Variants in PIP4K2A observed in about 807,000 individuals in gnomAD.
The protein encoded by PIP4K2A is phosphatidylinositol 5-phosphate 4-kinase type-2 alpha.
A neutral mutation model predicts 42.9 loss-of-function variants in PIP4K2A; 14 were observed. That is an observed-to-expected ratio of 0.33 (90% CI 0.22 to 0.51). The LOEUF (loss-of-function observed/expected upper bound fraction) is 0.51, where lower values mean the gene tolerates loss of function less well. Among genes scored for constraint, PIP4K2A ranks in the 20% least tolerant of loss-of-function variants. The probability of loss-of-function intolerance (pLI) is 0.97; values close to 1 mark genes in which losing one functional copy is unlikely to be tolerated. For synonymous variants in PIP4K2A, 192 were observed against 192.2 expected (o/e 1.00, Z 0.01); for missense variants, 434 against 519.8 (o/e 0.83, Z 1.61).
chr10:22,551,199 G>A (rs868320483), intron 6 of PIP4K2A, among the ~76,000 whole-genome samples: 5 of 152,122 alleles, frequency 3.3e-5, no homozygotes, highest in Non-Finnish European at 5.9e-5. Context: ...TTGGGGAGCC[G>A]TTGCTGGGCT....
intron 5 of PIP4K2A, among the ~76,000 whole-genome samples, chr10:22,568,315 C>T (rs1022785892): frequency 6.6e-6 from 1 of 152,156 alleles, no homozygotes; most frequent in Non-Finnish European, 1.5e-5. Flanking sequence ...ACCACAGGAG[C>T]GTTAAGTGCC....
rs184766643 is a variant in PIP4K2A, at chr10:22,534,975, G to A, written c.*2226C>T. The stretch of plus-strand genomic sequence containing the variant: ...GAGGAAAAAAGGATTCATCTTGTGA[G>A]TCATCAAAAGTGCTTTATTTGTAAA... On this transcript the variant is annotated 3_prime_UTR_variant, in exon 10 of 10. Transcript: ENST00000376573. 6.6e-6 allele frequency: 1 copy of A among 152,210 alleles called. No homozygotes were observed. Among genetic ancestry groups the A allele is most frequent in the Admixed American group, 6.5e-5 (1 of 15,282 alleles). The allele number at this position is 152,210 out of a possible 1,614,324, so 9.4% of individuals were successfully genotyped here.
intron 1 of PIP4K2A, among the ~76,000 whole-genome samples, chr10:22,611,137 C>G (rs1838026065): frequency 6.6e-6 from 1 of 152,012 alleles, no homozygotes; most frequent in Non-Finnish European, 1.5e-5. Flanking sequence ...ATATGTAATC[C>G]CAGCAATTTG....
chr10:22,542,143 T>C (rs1836136155), intron 7 of PIP4K2A, 96 bp from the exon 8 acceptor site: 1 of 1,151,152 alleles, frequency 8.7e-7, no homozygotes, highest in East Asian at 2.4e-5. Flanking sequence ...GAGGGAAGGC[T>C]GTGGGGTGGG....
At chr10:22,603,996 C>T (rs540421856) in intron 3 of PIP4K2A, among the ~76,000 whole-genome samples, 2 of 109,274 alleles carry the variant, frequency 1.8e-5, no homozygotes, top group East Asian at 7.0e-4. Context: ...TGCGCGAGCA[C>T]ACACGCGCGC....
chr10:22,664,760 C>A (rs913458329), intron 1 of PIP4K2A, among the ~76,000 whole-genome samples: 3 of 151,842 alleles, frequency 2.0e-5, no homozygotes, highest in Non-Finnish European at 4.4e-5. Context: ...TACCACAGAG[C>A]CACAGACATC....
intron 6 of PIP4K2A, among the ~76,000 whole-genome samples, chr10:22,560,861 G>T (rs1338313027): frequency 6.6e-6 from 1 of 152,152 alleles, no homozygotes; most frequent in Non-Finnish European, 1.5e-5. Flanking sequence ...CAAGAACATG[G>T]GCTTTTTAAA....
chr10:22,668,537 A>C (rs894223970), intron 1 of PIP4K2A, among the ~76,000 whole-genome samples: 1 of 152,204 alleles, frequency 6.6e-6, no homozygotes, highest in Admixed American at 6.5e-5. Context: ...GCAGCTCTCA[A>C]CATACAATTG....
intron 6 of PIP4K2A, among the ~76,000 whole-genome samples, chr10:22,559,747 G>A (rs1035515414): frequency 3.9e-5 from 6 of 152,274 alleles, no homozygotes; most frequent in Middle Eastern, 3.4e-3. Flanking sequence ...AAGTGGGGCC[G>A]ACTGCTGAAC....
At chr10:22,598,958 C>T (rs2765991) in intron 3 of PIP4K2A, among the ~76,000 whole-genome samples, 58,889 of 151,682 alleles carry the variant, frequency 0.39, 14,399 homozygotes, top group East Asian at 0.83. Context: ...TTATAAATTA[C>T]GAAATTAGTT....
At position 22,712,911 on chromosome 10, in the gene PIP4K2A, A is replaced by AGGGG. The variant is rs201129760; in HGVS notation, c.144+1271_144+1272insCCCC. ...CATTTTAAACAACTTCACTACATTG[A>AGGGG]GGGTGTGTGTGTGTGTGTGTGTGTG... On this transcript the variant is annotated intron_variant, in intron 1 of 9. Coordinates refer to ENST00000376573, the MANE Select transcript of PIP4K2A (RefSeq NM_005028.5). Among the ~76,000 whole-genome samples the AGGGG allele has an allele frequency of 1.1e-4, 15 of 137,622 alleles. No homozygotes were observed. The East Asian group carries it at 1.2e-3, about 11-fold the overall frequency. 90.3% of individuals were successfully genotyped at this position (137,622 alleles called of 152,430 possible).
chr10:22,565,276 C>T (rs144508263), intron 6 of PIP4K2A, among the ~76,000 whole-genome samples: 52 of 152,304 alleles, frequency 3.4e-4, no homozygotes, highest in African/African-American at 9.6e-4. Context: ...TCTGTTCTGA[C>T]GCCGCACTGA....
intron 5 of PIP4K2A, among the ~76,000 whole-genome samples, chr10:22,570,834 T>A (rs1836966812): frequency 6.7e-6 from 1 of 149,026 alleles, no homozygotes; most frequent in Non-Finnish European, 1.5e-5. Context: ...GTAGTGTTTG[T>A]GATTTAAAAA....
chr10:22,671,745 TACACACACACACAC>T (rs143696456), intron 1 of PIP4K2A, among the ~76,000 whole-genome samples: 2 of 144,672 alleles, frequency 1.4e-5, no homozygotes, highest in South Asian at 2.2e-4. Context: ...ACTTGGAAAA[TACACACACACACAC>T]ACACACACAC....
At chr10:22,576,564 C>T (rs548060457) in intron 4 of PIP4K2A, among the ~76,000 whole-genome samples, 21 of 152,252 alleles carry the variant, frequency 1.4e-4, no homozygotes, top group African/African-American at 4.6e-4. Context: ...GGTCCAGCTC[C>T]GTGTTCATTA....
At chr10:22,711,852 T>C (rs996325939) in intron 1 of PIP4K2A, among the ~76,000 whole-genome samples, 7 of 152,222 alleles carry the variant, frequency 4.6e-5, no homozygotes, top group Non-Finnish European at 1.0e-4. Flanking sequence ...TTAGATTTCA[T>C]GTTTATATTA....
At chr10:22,599,777 A>G (rs2130834070) in intron 3 of PIP4K2A, among the ~76,000 whole-genome samples, 1 of 152,280 alleles carries the variant, frequency 6.6e-6, no homozygotes, top group South Asian at 2.1e-4. Flanking sequence ...ACACTATCCT[A>G]GCTCAAACCA....
intron 8 of PIP4K2A, 69 bp from the exon 9 acceptor site, chr10:22,540,143 AG>A: frequency 1.9e-6 from 1 of 515,702 alleles, no homozygotes. Flanking sequence ...CTGCTGAGGG[AG>A]GGAGGGAGGG....
intron 1 of PIP4K2A, among the ~76,000 whole-genome samples, chr10:22,627,591 T>TTAAAAAA (rs1838469308): frequency 1.2e-4 from 7 of 56,992 alleles, no homozygotes; most frequent in Admixed American, 5.9e-4. Flanking sequence ...TAATATGTAA[T>TTAAAAAA]AAAAAAAAAA....
Sources: gnomAD v4.1 joint callset for allele counts (sites outside exome capture counted in the v4.1 genomes callset) on GRCh38, gnomAD v4.1.1 for gene constraint, MANE v1.5 for transcripts, NCBI Gene and HGNC (gene_info 2026-07-23, HGNC 2026-07-21) for gene names.